Variants in SHANK2 observed in about 807,000 individuals in gnomAD.
The protein encoded by SHANK2 is SH3 and multiple ankyrin repeat domains protein 2.
A neutral mutation model predicts 133.7 loss-of-function variants in SHANK2; 43 were observed. That is an observed-to-expected ratio of 0.32 (90% CI 0.25 to 0.41). The LOEUF (loss-of-function observed/expected upper bound fraction) is 0.41. Among genes scored for constraint, SHANK2 ranks in the 10% least tolerant of loss-of-function variants. SHANK2 has a pLI of 1.00. For synonymous variants in SHANK2, 1,017 were observed against 952.8 expected, an observed-to-expected ratio of 1.07 and a Z score of -1.24; for missense variants, 1,994 against 2,235.8, an observed-to-expected ratio of 0.89 and a Z score of 2.18.
chr11:71,126,541 A>G (rs1952192065), intron 3 of SHANK2, among the ~76,000 whole-genome samples: 2 of 152,206 alleles, frequency 1.3e-5, no homozygotes, highest in African/African-American at 2.4e-5. Context: ...ATTTAACAAT[A>G]TATCTTGTAA....
chr11:70,586,018 G>T (rs905837244), intron 17 of SHANK2, among the ~76,000 whole-genome samples: 1 of 152,132 alleles, frequency 6.6e-6, no homozygotes, highest in Non-Finnish European at 1.5e-5. Context: ...GAAAAAGACC[G>T]ATTCAACCCT....
rs1591479757 is a variant in SHANK2, at chr11:70,479,400, G to C, written c.4979+5914C>G. 6.6e-6 allele frequency among the ~76,000 whole-genome samples: 1 copy of C among 152,204 alleles called. No individual in the cohort carries two copies. The highest frequency in any genetic ancestry group is 1.5e-5 in the Non-Finnish European group (1 of 68,036). On this transcript the variant is annotated intron_variant, in intron 25 of 25. Coordinates refer to ENST00000601538, the MANE Select transcript of SHANK2 (RefSeq NM_012309.5). The surrounding 1 kb of genome is among the most constrained non-coding windows in gnomAD (Gnocchi z 4.4). Reference sequence around the variant, plus strand: ...AGTAGGGACTGGAGGCCTTGGGAAGGGGAGGCAGGTACCGTGAGGCAGCAG... The same window carrying C: ...AGTAGGGACTGGAGGCCTTGGGAAGCGGAGGCAGGTACCGTGAGGCAGCAG...
chr11:70,775,843 G>C (rs1555043822), intron 14 of SHANK2, among the ~76,000 whole-genome samples: 1 of 152,208 alleles, frequency 6.6e-6, no homozygotes, highest in East Asian at 1.9e-4. Context: ...GCCCCCATAA[G>C]CCAATGTTTA....
intron 2 of SHANK2, among the ~76,000 whole-genome samples, chr11:71,214,492 T>C (rs113277895): frequency 2.0e-5 from 3 of 152,332 alleles, no homozygotes; most frequent in African/African-American, 7.2e-5. Context: ...TTTAGCGCCA[T>C]CAGCTTTGCT....
chr11:70,726,784 C>T (rs781883388), intron 14 of SHANK2, among the ~76,000 whole-genome samples: 2 of 152,200 alleles, frequency 1.3e-5, no homozygotes, highest in Non-Finnish European at 2.9e-5. Context: ...TGATACTGGC[C>T]AATAGCATGT....
At chr11:71,129,884 G>A (rs1362177364) in intron 3 of SHANK2, among the ~76,000 whole-genome samples, 2 of 152,148 alleles carry the variant, frequency 1.3e-5, no homozygotes, top group South Asian at 2.1e-4. Flanking sequence ...TGCTTAAACC[G>A]CAGACATTTA....
At chr11:71,077,043 C>A (rs1951230129) in intron 8 of SHANK2, among the ~76,000 whole-genome samples, 1 of 152,124 alleles carries the variant, frequency 6.6e-6, no homozygotes, top group Non-Finnish European at 1.5e-5. Flanking sequence ...GAGACATGCA[C>A]AAAGCCAAGA....
intron 1 of SHANK2, among the ~76,000 whole-genome samples, chr11:71,227,740 AC>A (rs782055840): frequency 7.9e-5 from 12 of 152,272 alleles, no homozygotes; most frequent in Non-Finnish European, 1.5e-4. Flanking sequence ...ACCTTCCTCC[AC>A]TGTACTACAG....
intron 14 of SHANK2, among the ~76,000 whole-genome samples, chr11:70,708,304 C>T (rs1555025371): frequency 6.6e-6 from 1 of 152,022 alleles, no homozygotes; most frequent in Non-Finnish European, 1.5e-5. Flanking sequence ...CTGCCCTGGA[C>T]ACTGCATTTC....
chr11:71,149,369 G>T (rs1424339666), intron 2 of SHANK2, among the ~76,000 whole-genome samples: 1 of 152,186 alleles, frequency 6.6e-6, no homozygotes, highest in Non-Finnish European at 1.5e-5. Flanking sequence ...GCCTTCAGCT[G>T]CTGTTTCTTT....
chr11:70,677,508 G>A (rs1467176411), intron 15 of SHANK2, among the ~76,000 whole-genome samples: 1 of 152,148 alleles, frequency 6.6e-6, no homozygotes, highest in Non-Finnish European at 1.5e-5. Context: ...CTTTGTGACC[G>A]GACCCTTGGC....
At chr11:70,917,761 AC>A (rs1950289622) in intron 10 of SHANK2, among the ~76,000 whole-genome samples, 1 of 152,224 alleles carries the variant, frequency 6.6e-6, no homozygotes, top group Non-Finnish European at 1.5e-5. Flanking sequence ...GAAACAGGAA[AC>A]CAAATACAGC....
intron 17 of SHANK2, among the ~76,000 whole-genome samples, chr11:70,630,127 A>G (rs562286409): frequency 6.6e-6 from 1 of 152,342 alleles, no homozygotes; most frequent in South Asian, 2.1e-4. Flanking sequence ...GCCCTATGCT[A>G]GAAGGTTCCC....
intron 17 of SHANK2, among the ~76,000 whole-genome samples, chr11:70,507,106 T>G (rs1043946845): frequency 6.6e-6 from 1 of 152,240 alleles, no homozygotes; most frequent in Non-Finnish European, 1.5e-5. Context: ...GAGTTGGGCC[T>G]CCCACTTGCA....
At chr11:70,871,844 A>T (rs1949470470) in intron 11 of SHANK2, among the ~76,000 whole-genome samples, 2 of 152,126 alleles carry the variant, frequency 1.3e-5, no homozygotes, top group Admixed American at 6.5e-5. Flanking sequence ...ATTTCCATAT[A>T]CGATTTCTAT....
At chr11:70,489,689 G>A (rs146009297) in intron 23 of SHANK2, 11 of 400,774 alleles carry the variant, frequency 2.7e-5, no homozygotes, top group Admixed American at 2.0e-4. Context: ...ATCTCACAAA[G>A]GGACTGTCTC....
intron 15 of SHANK2, among the ~76,000 whole-genome samples, chr11:70,686,193 C>CCCAT (rs1251808121): frequency 7.3e-6 from 1 of 137,884 alleles, no homozygotes; most frequent in Non-Finnish European, 1.6e-5. Flanking sequence ...TACTCATCCA[C>CCCAT]CCATCCATCT....
rs1288528550 is a variant in SHANK2 at position 71,059,205 on chromosome 11, G to A, written c.1030-2647C>T. Among the ~76,000 whole-genome samples the A allele has an allele frequency of 2.7e-4, 41 of 152,162 alleles. 2 individuals are homozygous for A. The highest frequency in any genetic ancestry group is 6.5e-5 in the Admixed American group (1 of 15,288). On this transcript the variant is annotated intron_variant, in intron 9 of 25. Transcript: ENST00000601538. ...GCACTCCAGCCTGGGCAACAAGAGC[G>A]AAACTCTGTCTCGAAAAAATAAATA... is the stretch of plus-strand genomic sequence containing the variant.
chr11:70,641,146 A>G (rs542522351), intron 17 of SHANK2, among the ~76,000 whole-genome samples: 9 of 140,338 alleles, frequency 6.4e-5, no homozygotes, highest in Admixed American at 1.5e-4. Flanking sequence ...CCCAGGCTGG[A>G]GTGCAGTGGC....
Sources: allele counts gnomAD v4.1 joint callset (sites outside exome capture counted in the v4.1 genomes callset), GRCh38; gene constraint gnomAD v4.1.1; non-coding constraint Gnocchi (gnomAD v3.1); transcripts MANE v1.5; gene names NCBI Gene and HGNC (gene_info 2026-07-23, HGNC 2026-07-21).